The following NRXN1 variants were observed in gnomAD, a reference collection of about 807,000 sequenced individuals.
The protein encoded by NRXN1 is neurexin 1, also known as neurexin-1.
A neutral mutation model predicts 150.9 loss-of-function variants in NRXN1; 39 were observed. The ratio of observed to expected loss-of-function variants is 0.26; its 90% CI spans 0.20 to 0.34. NRXN1 has a LOEUF of 0.34. Ranked by LOEUF, NRXN1 falls within the 10% of genes least tolerant of loss-of-function variation. The pLI, the probability that NRXN1 is intolerant of heterozygous loss-of-function variation, is 1.00. For missense variants in NRXN1, 1,815 were observed against 1,949.9 expected (o/e 0.93, Z 1.30); for synonymous variants, 924 against 757.0 (o/e 1.22, Z -3.62).
chr2:50,450,700 C>T (rs368835063), intron 17 of NRXN1, among the ~76,000 whole-genome samples: 45 of 152,132 alleles, frequency 3.0e-4, no homozygotes, highest in African/African-American at 1.1e-3. Flanking sequence ...GATGCTTTCA[C>T]GCTGTTTCTC....
rs537000116 is a variant in NRXN1 at position 50,628,580 on chromosome 2, G to A, written c.833-4965C>T. The stretch of plus-strand genomic sequence containing the variant: ...ATTTGCTACCTTACAATCTTTGTAA[G>A]TAAGCTTTGTGCTATTCTATAAACA... On this transcript the variant is annotated intron_variant, in intron 5 of 22. Coordinates refer to ENST00000401669, the MANE Select transcript of NRXN1 (RefSeq NM_001330078.2). Among the ~76,000 whole-genome samples the A allele has an allele frequency of 2.0e-5, 3 of 151,738 alleles. No homozygotes were observed. The East Asian group carries it at 5.8e-4, about 29-fold the overall frequency.
chr2:50,156,854 T>C (rs1028715834), intron 18 of NRXN1, among the ~76,000 whole-genome samples: 1 of 152,004 alleles, frequency 6.6e-6, no homozygotes, highest in Non-Finnish European at 1.5e-5. Flanking sequence ...GTAAAGCATA[T>C]ATGCGATTCA....
At chr2:50,810,867 C>G (rs935173403) in intron 5 of NRXN1, among the ~76,000 whole-genome samples, 11 of 151,926 alleles carry the variant, frequency 7.2e-5, no homozygotes, top group African/African-American at 2.4e-4. Flanking sequence ...GTAGTCCCAG[C>G]TACTCGGGAG....
chr2:50,947,766 C>T (rs533322858), intron 2 of NRXN1, among the ~76,000 whole-genome samples: 7 of 152,086 alleles, frequency 4.6e-5, no homozygotes, highest in African/African-American at 1.2e-4. Flanking sequence ...GTTAAAGCTA[C>T]GAAGGGTTTC....
chr2:50,504,949 T>C (rs1244804401), intron 13 of NRXN1, among the ~76,000 whole-genome samples: 1 of 152,192 alleles, frequency 6.6e-6, no homozygotes, highest in Non-Finnish European at 1.5e-5. Context: ...AGATCAAACA[T>C]TATCAATTGC....
chr2:50,689,869 T>TGTGA lies in NRXN1; in HGVS notation c.833-66255_833-66254insTCAC, dbSNP rs1559127930. Among the ~76,000 whole-genome samples, 4 of 147,404 alleles carry TGTGA rather than the reference T, an allele frequency of 2.7e-5. 1 individual carries two copies. The highest frequency in any genetic ancestry group is 1.0e-4 in the African/African-American group (4 of 38,178). ...TTTTGCTTATTTGTGTGTGTGTGTG[T>TGTGA]GTGTGTGTGTGTGTGTGTGTGTGTG... On this transcript the variant is annotated intron_variant, in intron 5 of 22. Transcript: ENST00000401669.
chr2:50,587,533 G>C (rs1673374436), intron 8 of NRXN1, among the ~76,000 whole-genome samples: 1 of 152,114 alleles, frequency 6.6e-6, no homozygotes, highest in Admixed American at 6.6e-5. Context: ...CCTTGTAACT[G>C]AAAACCAAGA....
intron 21 of NRXN1, 142 bp from the exon 22 acceptor site, chr2:49,943,933 A>G (rs1289938793): frequency 4.2e-6 from 3 of 707,916 alleles, no homozygotes; most frequent in East Asian, 2.7e-5. Flanking sequence ...CAGAGCTTAC[A>G]TTTTAGATCC....
chr2:50,542,859 C>T (rs952381176), intron 9 of NRXN1, among the ~76,000 whole-genome samples: 1 of 152,114 alleles, frequency 6.6e-6, no homozygotes, highest in Non-Finnish European at 1.5e-5. Context: ...AGAGTCATCA[C>T]AGAATCCGAA....
intron 2 of NRXN1, among the ~76,000 whole-genome samples, chr2:50,928,881 T>A (rs1015730727): frequency 2.6e-5 from 4 of 152,090 alleles, no homozygotes; most frequent in Admixed American, 6.6e-5. Flanking sequence ...AATCATTAAC[T>A]TTACTACGAT....
intron 8 of NRXN1, among the ~76,000 whole-genome samples, chr2:50,609,765 A>T (rs1326116301): frequency 6.6e-6 from 1 of 152,166 alleles, no homozygotes; most frequent in Non-Finnish European, 1.5e-5. Flanking sequence ...CCATATTTCA[A>T]GGGCAATTCA....
intron 17 of NRXN1, among the ~76,000 whole-genome samples, chr2:50,244,176 G>A (rs890587787): frequency 2.6e-5 from 4 of 151,594 alleles, no homozygotes; most frequent in Non-Finnish European, 4.4e-5. Flanking sequence ...AAAAGAGTAT[G>A]GTACATGAAA....
intron 18 of NRXN1, among the ~76,000 whole-genome samples, chr2:50,192,892 C>A (rs976315514): frequency 1.3e-5 from 2 of 152,146 alleles, no homozygotes; most frequent in Non-Finnish European, 2.9e-5. Flanking sequence ...GCTGGGATTA[C>A]AGGCGTGAGC....
rs549750403 is a variant in NRXN1, at chr2:50,761,973, G to A, written c.833-138358C>T. On this transcript the variant is annotated intron_variant, in intron 5 of 22. Coordinates refer to ENST00000401669, the MANE Select transcript of NRXN1 (RefSeq NM_001330078.2). ...TCAGGTCTTCAGCCACAGAATGAAC[G>A]TTGCACTGTTGGCTTCCCTGCTTTT... Among the ~76,000 whole-genome samples, 9 of 151,946 alleles carry A rather than the reference G, an allele frequency of 5.9e-5. No individual in the cohort carries two copies. The East Asian group carries it at 7.8e-4, about 13-fold the overall frequency.
intron 5 of NRXN1, among the ~76,000 whole-genome samples, chr2:50,910,384 T>A (rs899842327): frequency 6.6e-6 from 1 of 151,978 alleles, no homozygotes; most frequent in Admixed American, 6.6e-5. Context: ...TAAAAGAGAT[T>A]TTTAGATTTT....
chr2:50,519,571 T>A (rs11897793), intron 12 of NRXN1, among the ~76,000 whole-genome samples: 27,670 of 151,814 alleles, frequency 0.18, 3,429 homozygotes, highest in East Asian at 0.38. Context: ...TCCTTGGAAC[T>A]GGTCAAACCA....
intron 13 of NRXN1, among the ~76,000 whole-genome samples, chr2:50,500,955 C>T (rs1050054178): frequency 1.7e-4 from 26 of 152,182 alleles, no homozygotes; most frequent in Non-Finnish European, 1.2e-4. Flanking sequence ...AGAAAGGGCC[C>T]ATTTTCTCCA....
intron 18 of NRXN1, among the ~76,000 whole-genome samples, chr2:50,218,435 T>C (rs2063550245): frequency 1.3e-5 from 2 of 151,830 alleles, no homozygotes; most frequent in Non-Finnish European, 2.9e-5. Flanking sequence ...AATGGAAGAA[T>C]ATCTCTCACA....
At chr2:50,410,675 GA>G (rs201311565) in intron 17 of NRXN1, among the ~76,000 whole-genome samples, 7 of 151,112 alleles carry the variant, frequency 4.6e-5, no homozygotes, top group South Asian at 2.1e-4. Flanking sequence ...AAATATTTCA[GA>G]AAAAAAAAGT....
Sources: allele counts gnomAD v4.1 joint callset (sites outside exome capture counted in the v4.1 genomes callset), GRCh38; gene constraint gnomAD v4.1.1; transcripts MANE v1.5; gene names NCBI Gene and HGNC (gene_info 2026-07-23, HGNC 2026-07-21).